The following HBS1L variants were observed in gnomAD, a reference collection of about 807,000 sequenced individuals.
HBS1L encodes HBS1-like protein.
A neutral mutation model predicts 88.9 loss-of-function variants in HBS1L; 55 were observed. The ratio of observed to expected loss-of-function variants is 0.62; its 90% CI spans 0.50 to 0.77. The LOEUF (loss-of-function observed/expected upper bound fraction) is 0.77. HBS1L is among the 30% of genes least tolerant of loss of function. The pLI is 0.00. For missense variants in HBS1L, 741 were observed against 829.3 expected, an observed-to-expected ratio of 0.89 and a Z score of 1.31; for synonymous variants, 267 against 288.5, an observed-to-expected ratio of 0.93 and a Z score of 0.76.
intron 4 of HBS1L, among the ~76,000 whole-genome samples, chr6:135,015,129 T>C (rs1775883753): frequency 6.6e-6 from 1 of 152,066 alleles, no homozygotes; most frequent in East Asian, 1.9e-4. Context: ...TTTACCAACA[T>C]TAAAACACAT....
intron 2 of HBS1L, among the ~76,000 whole-genome samples, chr6:135,045,967 G>A (rs1416039201): frequency 1.3e-5 from 2 of 152,172 alleles, no homozygotes; most frequent in Non-Finnish European, 2.9e-5. Flanking sequence ...TCAGTTATCT[G>A]CACAAAATAC....
At chr6:135,018,248 C>T (rs1472916541) in intron 4 of HBS1L, among the ~76,000 whole-genome samples, 4 of 152,042 alleles carry the variant, frequency 2.6e-5, no homozygotes, top group East Asian at 3.8e-4. Flanking sequence ...TACACCACCT[C>T]GGCTATGGAG....
chr6:134,999,323 G>A (rs1030361204), intron 5 of HBS1L, among the ~76,000 whole-genome samples: 1 of 152,098 alleles, frequency 6.6e-6, no homozygotes. Flanking sequence ...GGGGCTGCCA[G>A]AATAGGAAGG....
intron 5 of HBS1L, 133 bp from the exon 6 acceptor site, chr6:134,997,789 A>G (rs1775334979): frequency 1.2e-6 from 1 of 810,114 alleles, no homozygotes; most frequent in Non-Finnish European, 2.0e-6. Flanking sequence ...CTAAGTAGCT[A>G]AAGTCTGTTA....
At chr6:134,995,077 A>G (rs1352714138) in intron 7 of HBS1L, among the ~76,000 whole-genome samples, 1 of 131,336 alleles carries the variant, frequency 7.6e-6, no homozygotes, top group Non-Finnish European at 1.7e-5. Context: ...AATTCTCTTT[A>G]ATAATTCCCA....
At chr6:135,046,787 C>T (rs2114921984) in intron 2 of HBS1L, among the ~76,000 whole-genome samples, 1 of 152,292 alleles carries the variant, frequency 6.6e-6, no homozygotes, top group Non-Finnish European at 1.5e-5. Flanking sequence ...TATCAGACTT[C>T]ATTACACCAT....
chr6:134,993,005 C>T (rs1233252609), intron 8 of HBS1L, among the ~76,000 whole-genome samples: 1 of 152,060 alleles, frequency 6.6e-6, no homozygotes, highest in East Asian at 1.9e-4. Flanking sequence ...CTATGATATG[C>T]TTAGATCAGT....
At chr6:134,970,138 T>C (rs1364711621) in intron 15 of HBS1L, among the ~76,000 whole-genome samples, 1 of 152,044 alleles carries the variant, frequency 6.6e-6, no homozygotes, top group Non-Finnish European at 1.5e-5. Context: ...GCAAGTTATT[T>C]TTGTTTTTTT....
At chr6:135,044,390 G>A (rs555257092) in intron 2 of HBS1L, among the ~76,000 whole-genome samples, 1 of 152,244 alleles carries the variant, frequency 6.6e-6, no homozygotes, top group South Asian at 2.1e-4. Context: ...GTGTATGTAT[G>A]TATGTGTAGG....
Position 134,961,514 on chromosome 6 carries a change from C to T in HBS1L, c.*3765G>A, listed in dbSNP as rs1774188228. The T allele has an allele frequency of 6.6e-6, 1 of 152,204 alleles. No individual in the cohort carries two copies. The highest frequency in any genetic ancestry group is 2.1e-4 in the South Asian group (1 of 4,838). The allele number at this position is 152,204 out of a possible 1,614,324, so 9.4% of individuals were successfully genotyped here. On this transcript the variant is annotated 3_prime_UTR_variant, in exon 18 of 18. Transcript: ENST00000367837. ...GAGATACTGTAATCATGCCTGAGCA[C>T]AGATAAAAACAAAGTCACTGTGCAA... is the stretch of plus-strand genomic sequence containing the variant.
intron 1 of HBS1L, among the ~76,000 whole-genome samples, chr6:135,052,737 T>C (rs1400120868): frequency 6.6e-6 from 1 of 152,200 alleles, no homozygotes; most frequent in East Asian, 1.9e-4. Flanking sequence ...TTATGAAATA[T>C]TTACCACATG....
intron 4 of HBS1L, among the ~76,000 whole-genome samples, chr6:135,022,747 A>G (rs1776108270): frequency 1.3e-5 from 2 of 152,174 alleles, no homozygotes; most frequent in South Asian, 4.1e-4. Context: ...ATGACTGTTA[A>G]CAATCTACTA....
chr6:135,014,437 T>G (rs1474247518), intron 4 of HBS1L, among the ~76,000 whole-genome samples: 2 of 152,162 alleles, frequency 1.3e-5, no homozygotes, highest in Non-Finnish European at 2.9e-5. Flanking sequence ...ATAGCTTTCA[T>G]TCTAACAGAT....
chr6:135,051,652 G>A (rs934746850), intron 1 of HBS1L, among the ~76,000 whole-genome samples: 8 of 152,104 alleles, frequency 5.3e-5, no homozygotes. Context: ...AGAGCGCTAC[G>A]CCTGTTCACT....
chr6:134,986,172 T>C lies in HBS1L; in HGVS notation c.1317A>G (p.Val439=), dbSNP rs1192762442. The change falls in exon 11 of 18, where the codon GTA becomes GTG. Residue 439 remains valine, a synonymous_variant. Coordinates refer to ENST00000367837, the MANE Select transcript of HBS1L (RefSeq NM_006620.4). ...LKQAGFKESD[V]GFIPTSGLSG... is the part of the protein sequence containing the mutation. Reference sequence around the variant, plus strand: ...TGAGACCACTTGTAGGAATAAAACCTACATCACTCTCCTATTAAAAAGATT... The same window carrying C: ...TGAGACCACTTGTAGGAATAAAACCCACATCACTCTCCTATTAAAAAGATT... The C allele has an allele frequency of 2.6e-6, 4 of 1,509,520 alleles. No individual in the cohort carries two copies. The highest frequency in any genetic ancestry group is 3.7e-6 in the Non-Finnish European group (4 of 1,089,196). 93.5% of individuals were successfully genotyped at this position (1,509,520 alleles called of 1,614,324 possible). A position where few individuals can be genotyped will look rare whatever the true frequency, so the allele number is the denominator to read the frequency against.
At chr6:135,047,037 C>T (rs1776934499) in intron 2 of HBS1L, among the ~76,000 whole-genome samples, 1 of 152,190 alleles carries the variant, frequency 6.6e-6, no homozygotes, top group Non-Finnish European at 1.5e-5. Flanking sequence ...CTATCTCCTG[C>T]TTTGATAAGA....
chr6:135,010,487 T>C (rs1775745101), intron 4 of HBS1L, among the ~76,000 whole-genome samples: 1 of 152,232 alleles, frequency 6.6e-6, no homozygotes, highest in Non-Finnish European at 1.5e-5. Context: ...TTTTTGGTTT[T>C]ACTGGCTATT....
At chr6:135,007,254 G>C (rs1775640397) in intron 4 of HBS1L, among the ~76,000 whole-genome samples, 1 of 152,150 alleles carries the variant, frequency 6.6e-6, no homozygotes, top group Admixed American at 6.5e-5. Context: ...TTAAGTGAAA[G>C]TAGAGGGGGA....
chr6:135,017,627 G>A (rs1775958392), intron 4 of HBS1L, among the ~76,000 whole-genome samples: 1 of 151,714 alleles, frequency 6.6e-6, no homozygotes, highest in Admixed American at 6.6e-5. Flanking sequence ...AATATATAAA[G>A]AAAAGGAGGA....
Sources: allele counts gnomAD v4.1 joint callset (sites outside exome capture counted in the v4.1 genomes callset), GRCh38; gene constraint gnomAD v4.1.1; transcripts MANE v1.5; gene names NCBI Gene and HGNC (gene_info 2026-07-23, HGNC 2026-07-21).